Variants in CLEC12A observed in about 807,000 individuals in gnomAD.
CLEC12A encodes C-type lectin domain family 12 member A.
CLEC12A carries 22 observed loss-of-function variants against 26.5 expected under a neutral mutation model. The observed-to-expected ratio is 0.83, with a 90% CI of 0.59 to 1.19. The LOEUF (loss-of-function observed/expected upper bound fraction) is 1.19, where lower values mean the gene tolerates loss of function less well. Ranked by LOEUF, CLEC12A falls within the 50% of genes most tolerant of loss-of-function variation. The pLI, the probability that CLEC12A is intolerant of heterozygous loss-of-function variation, is 0.00. For missense variants in CLEC12A, 353 were observed against 315.6 expected (o/e 1.12, Z -0.90); for synonymous variants, 119 against 101.9 (o/e 1.17, Z -1.01).
At chr12:9,990,642 A>C (rs1278187307) in intron 4 of CLEC12A, among the ~76,000 whole-genome samples, 1 of 152,230 alleles carries the variant, frequency 6.6e-6, no homozygotes, top group Non-Finnish European at 1.5e-5. Context: ...CTAATAAAGT[A>C]TTCTGAATAT....
At chr12:9,965,635 T>A (rs571541) in intron 1 of CLEC12A, among the ~76,000 whole-genome samples, 148,320 of 152,012 alleles carry the variant, frequency 0.98, 72,415 homozygotes, top group Middle Eastern at 1. Flanking sequence ...CATGGGGTGG[T>A]TAGGCAAAAC....
the CLEC12A span, among the ~76,000 whole-genome samples, chr12:10,002,888 A>G: frequency 6.6e-6 from 1 of 152,214 alleles, no homozygotes; most frequent in Non-Finnish European, 1.5e-5. Context: ...GACACTAATA[A>G]CAATGACAAG....
intron 4 of CLEC12A, chr12:9,993,057 G>T: frequency 7.9e-7 from 1 of 1,260,372 alleles, no homozygotes; most frequent in Non-Finnish European, 1.1e-6. Flanking sequence ...GGAGAAATAA[G>T]CAATTTTCAG....
Position 9,971,538 on chromosome 12 carries a change from T to C in CLEC12A, c.-59T>C, listed in dbSNP as rs903563661. ...GGTCCTGTTTAACATTCAGCTCTGT[T>C]AACTCACTCATCTTTTTGTGTTTTT... On this transcript the variant is annotated 5_prime_UTR_variant, in exon 1 of 6. Transcript: ENST00000304361. 7 of 1,576,256 alleles carry C rather than the reference T, an allele frequency of 4.4e-6. No homozygotes were observed. Among genetic ancestry groups the C allele is most frequent in the Non-Finnish European group, 6.0e-6 (7 of 1,163,534 alleles).
At chr12:9,958,679 T>C (rs1305711077) in intron 1 of CLEC12A, among the ~76,000 whole-genome samples, 1 of 152,192 alleles carries the variant, frequency 6.6e-6, no homozygotes, top group Non-Finnish European at 1.5e-5. Context: ...GACAAGATAA[T>C]GAAGGAATTC....
At chr12:9,995,301 T>C (rs1224270515) in exon 5 of CLEC12A, 1 of 1,439,610 alleles carries the variant, frequency 6.9e-7, no homozygotes, top group African/African-American at 1.4e-5. Context: ...GCTCTTGGTA[T>C]GATAGACAAA....
At chr12:9,981,443 T>C (rs1449166968) in intron 4 of CLEC12A, among the ~76,000 whole-genome samples, 2 of 152,202 alleles carry the variant, frequency 1.3e-5, no homozygotes, top group African/African-American at 4.8e-5. Context: ...GAAACTTTCA[T>C]CATCCTTTAT....
At chr12:9,962,287 G>C (rs1276936988) in intron 1 of CLEC12A, among the ~76,000 whole-genome samples, 1 of 130,200 alleles carries the variant, frequency 7.7e-6, no homozygotes, top group Admixed American at 8.0e-5. Context: ...CCAAGTGTGT[G>C]TTTCTTTTTG....
chr12:10,003,664 A>C, the CLEC12A span, among the ~76,000 whole-genome samples: 1 of 152,208 alleles, frequency 6.6e-6, no homozygotes, highest in Non-Finnish European at 1.5e-5. Context: ...CTGTAATCCC[A>C]ACACGTTGGG....
At chr12:10,005,908 T>C in the CLEC12A span, among the ~76,000 whole-genome samples, 1 of 152,226 alleles carries the variant, frequency 6.6e-6, no homozygotes, top group African/African-American at 2.4e-5. Context: ...TTCTTGCCAT[T>C]CTCTGGGTAC....
chr12:9,999,957 T>C (rs78341054), downstream of CLEC12A, among the ~76,000 whole-genome samples: 3,487 of 152,338 alleles, frequency 0.023, 55 homozygotes, highest in Non-Finnish European at 0.036. Context: ...CACTTAACTT[T>C]ATGAAATGGG....
chr12:9,998,689 A>G (rs548847867), downstream of CLEC12A, among the ~76,000 whole-genome samples: 25 of 151,504 alleles, frequency 1.7e-4, no homozygotes, highest in African/African-American at 5.3e-4. Context: ...ATGCTCACCC[A>G]TGCCATAAAT....
chr12:9,954,591 A>G (rs1863712663), intron 1 of CLEC12A, among the ~76,000 whole-genome samples: 1 of 152,214 alleles, frequency 6.6e-6, no homozygotes, highest in Non-Finnish European at 1.5e-5. Context: ...AAGTTCAACC[A>G]TGTGAACATG....
At chr12:9,995,997 G>T (rs1284985328), downstream of CLEC12A, among the ~76,000 whole-genome samples, 3 of 152,190 alleles carry the variant, frequency 2.0e-5, no homozygotes, top group East Asian at 3.9e-4. Context: ...CAATCTATGG[G>T]TAACAAAATT....
In CLEC12A at chr12:9,971,682, A is replaced by G. The variant is rs756124445; in HGVS notation, c.86A>G (p.Glu29Gly). The change falls in exon 1 of 6, where the codon GAA becomes GGA. Residue 29 changes from glutamate (E) to glycine (G), a missense_variant. Glu to Gly is a moderately conservative substitution (Grantham distance 98). Transcript: ENST00000304361. ...EKIPEIGKFG[E>G]KAPPAPSHVW... ...ATCCCAGAAATTGGCAAATTTGGGG[A>G]AAAAGGTAAGATTTTGAGTTATGGA... is the stretch of plus-strand genomic sequence containing the variant. 2.5e-6 allele frequency: 4 copies of G among 1,607,862 alleles called. No homozygotes were observed. Among genetic ancestry groups the G allele is most frequent in the South Asian group, 1.1e-5 (1 of 90,040 alleles).
At chr12:9,977,848 AG>A (rs1328496554) in intron 1 of CLEC12A, among the ~76,000 whole-genome samples, 2 of 152,186 alleles carry the variant, frequency 1.3e-5, no homozygotes, top group Non-Finnish European at 2.9e-5. Flanking sequence ...GGCACTCAAA[AG>A]ATAACTTTTG....
intron 1 of CLEC12A, among the ~76,000 whole-genome samples, chr12:9,957,919 A>G (rs1863769347): frequency 6.6e-6 from 1 of 152,224 alleles, no homozygotes; most frequent in Non-Finnish European, 1.5e-5. Flanking sequence ...CTAAAATTAA[A>G]GTAGGAGAAT....
chr12:9,971,097 A>G (rs150156731), upstream of CLEC12A, among the ~76,000 whole-genome samples: 117 of 152,190 alleles, frequency 7.7e-4, 1 homozygote, highest in Middle Eastern at 0.017. Context: ...GACCTTCATC[A>G]TCATACAAAA....
chr12:9,992,178 A>T (rs1019714903), intron 4 of CLEC12A: 4 of 152,166 alleles, frequency 2.6e-5, no homozygotes, highest in African/African-American at 9.6e-5. Flanking sequence ...TGAGTTACTC[A>T]GCAAAAATAA....
Sources: allele counts gnomAD v4.1 joint callset (sites outside exome capture counted in the v4.1 genomes callset), GRCh38; gene constraint gnomAD v4.1.1; transcripts MANE v1.5; gene names NCBI Gene and HGNC (gene_info 2026-07-23, HGNC 2026-07-21).